RIN2: variants seen among roughly 807,000 people sequenced by gnomAD.
The protein encoded by RIN2 is Ras and Rab interactor 2.
RIN2 carries 36 observed loss-of-function variants against 78.0 expected under a neutral mutation model. The observed-to-expected ratio is 0.46, with a 90% confidence interval of 0.35 to 0.61. The LOEUF (loss-of-function observed/expected upper bound fraction) is 0.61. Ranked by LOEUF, RIN2 falls within the 20% of genes least tolerant of loss-of-function variation. The pLI is 0.00. For synonymous variants in RIN2, 466 were observed against 466.8 expected (o/e 1.00, Z 0.02); for missense variants, 1,087 against 1,159.7 (o/e 0.94, Z 0.91).
intron 3 of RIN2, among the ~76,000 whole-genome samples, chr20:19,892,989 C>T (rs1449759711): frequency 6.6e-6 from 1 of 152,146 alleles, no homozygotes; most frequent in Non-Finnish European, 1.5e-5. Context: ...AAAGCAGAAG[C>T]CACCCCTAAC....
At chr20:19,972,022 G>A (rs1416700271) in intron 8 of RIN2, among the ~76,000 whole-genome samples, 8 of 152,112 alleles carry the variant, frequency 5.3e-5, no homozygotes, top group South Asian at 4.1e-4. Flanking sequence ...GATTACAGGC[G>A]TGCGCCACTG....
At chr20:19,823,462 T>C in intron 2 of RIN2, 3 of 784,044 alleles carry the variant, frequency 3.8e-6, no homozygotes, top group Non-Finnish European at 6.8e-6. Context: ...AGCTGGGCAT[T>C]CTACAGCACC....
At chr20:19,971,033 T>C in intron 8 of RIN2, 104 bp downstream of exon 8, 1 of 820,024 alleles carries the variant, frequency 1.2e-6, no homozygotes, top group South Asian at 1.6e-5. Context: ...CTCTCCAGCT[T>C]CTCCATCAGT....
intron 3 of RIN2, among the ~76,000 whole-genome samples, chr20:19,906,262 C>A (rs893294892): frequency 6.6e-6 from 1 of 152,130 alleles, no homozygotes; most frequent in Non-Finnish European, 1.5e-5. Context: ...CCAGCCTGGG[C>A]AATACAGCAA....
At chr20:19,819,562 G>A (rs756296782) in intron 2 of RIN2, among the ~76,000 whole-genome samples, 4 of 152,162 alleles carry the variant, frequency 2.6e-5, no homozygotes, top group Non-Finnish European at 4.4e-5. Context: ...GTATATGTAT[G>A]AGACAAGGTC....
intron 4 of RIN2, among the ~76,000 whole-genome samples, chr20:19,956,257 C>CAAAAAAAAAA (rs11483774): frequency 3.9e-5 from 2 of 50,720 alleles, no homozygotes; most frequent in Admixed American, 2.1e-4. Flanking sequence ...GACTCCATCT[C>CAAAAAAAAAA]AAAAAAAAAA....
chr20:19,959,535 A>G (rs2041668625), intron 5 of RIN2, among the ~76,000 whole-genome samples: 1 of 152,166 alleles, frequency 6.6e-6, no homozygotes, highest in African/African-American at 2.4e-5. Context: ...TTCCAGCTTC[A>G]TTCTTCACCA....
intron 1 of RIN2, among the ~76,000 whole-genome samples, chr20:19,761,808 G>C (rs2033652205): frequency 6.6e-6 from 1 of 152,152 alleles, no homozygotes; most frequent in Admixed American, 6.5e-5. Context: ...GATATGATCT[G>C]AGGGAACCCC....
Position 19,839,615 on chromosome 20 carries a change from T to C in RIN2, c.-37+39868T>C, listed in dbSNP as rs150925563. Among the ~76,000 whole-genome samples, 11 of 152,312 alleles carry C rather than the reference T, an allele frequency of 7.2e-5. No individual in the cohort carries two copies. The East Asian group carries it at 1.7e-3, about 24-fold the overall frequency. ...CTAGAGAAGATCCTTTCCTTCCTTCTCTCTACCACCTCCCCCTGGAGGATC... is the reference window on the plus strand; with the variant it reads ...CTAGAGAAGATCCTTTCCTTCCTTCCCTCTACCACCTCCCCCTGGAGGATC... On this transcript the variant is annotated intron_variant, in intron 2 of 12. Transcript: ENST00000255006.
intron 6 of RIN2, among the ~76,000 whole-genome samples, chr20:19,963,813 T>G (rs1207412917): frequency 1.3e-5 from 2 of 151,244 alleles, no homozygotes; most frequent in Non-Finnish European, 2.9e-5. Flanking sequence ...CTCCAGCATT[T>G]GGAAGATGTG....
intron 12 of RIN2, among the ~76,000 whole-genome samples, chr20:19,997,974 C>A (rs1003181296): frequency 6.7e-6 from 1 of 149,260 alleles, no homozygotes; most frequent in African/African-American, 2.5e-5. Context: ...TCCAGATTCA[C>A]CTGCTTTTTT....
intron 2 of RIN2, among the ~76,000 whole-genome samples, chr20:19,855,366 G>C (rs1205618487): frequency 2.0e-5 from 3 of 152,078 alleles, no homozygotes; most frequent in Admixed American, 6.5e-5. Context: ...TCTCTGTCAG[G>C]CTTTGGTATC....
At chr20:19,833,447 T>C (rs1360162311) in intron 2 of RIN2, among the ~76,000 whole-genome samples, 1 of 152,162 alleles carries the variant, frequency 6.6e-6, no homozygotes, top group African/African-American at 2.4e-5. Flanking sequence ...GTATGTGTTG[T>C]TCCCCTTCCC....
chr20:19,910,523 C>G (rs2123719381), intron 3 of RIN2, among the ~76,000 whole-genome samples: 1 of 145,252 alleles, frequency 6.9e-6, no homozygotes, highest in African/African-American at 2.5e-5. Context: ...TTTAATCATT[C>G]TTGTGTATAT....
chr20:19,990,188 G>A lies in RIN2; in HGVS notation c.1945G>A (p.Val649Met). ...LGVFAPTPDF[V>M]DVEKIKVKFM... is the part of the protein sequence containing the mutation. ...GGTCTTCGCCCCGACCCCTGATTTT[G>A]TGGATGTGGAGAAAATCAAAGTCAA... The change falls in exon 10 of 13, where the codon GTG (valine) becomes ATG (methionine). Residue 649 changes from valine to methionine, a missense_variant. By Grantham distance (21) the Val-to-Met change is conservative. Coordinates refer to ENST00000255006, the MANE Select transcript of RIN2 (RefSeq NM_018993.4). The A allele has an allele frequency of 6.2e-7, 1 of 1,608,978 alleles. No individual in the cohort carries two copies. The highest frequency in any genetic ancestry group is 8.5e-7 in the Non-Finnish European group (1 of 1,177,760).
intron 2 of RIN2, among the ~76,000 whole-genome samples, chr20:19,883,598 G>A (rs971072191): frequency 3.9e-5 from 6 of 151,934 alleles, no homozygotes; most frequent in Non-Finnish European, 5.9e-5. Context: ...CCACCTCAGC[G>A]TCCCAAAGTG....
chr20:19,826,531 G>A lies in RIN2; in HGVS notation c.-37+26784G>A, dbSNP rs769713377. 7.0e-4 allele frequency among the ~76,000 whole-genome samples: 106 copies of A among 152,140 alleles called. 1 individual carries two copies. The highest frequency in any genetic ancestry group is 1.3e-4 in the Non-Finnish European group (9 of 68,022). Reference sequence around the variant, plus strand: ...CTGCTATAGATTCAAGTTGAAAAGAGAGTAAATTTAAGGAAAATTCACAAT... The same window carrying A: ...CTGCTATAGATTCAAGTTGAAAAGAAAGTAAATTTAAGGAAAATTCACAAT... On this transcript the variant is annotated intron_variant, in intron 2 of 12. Transcript: ENST00000255006.
At chr20:19,978,186 A>T (rs1371832927) in intron 9 of RIN2, among the ~76,000 whole-genome samples, 1 of 152,144 alleles carries the variant, frequency 6.6e-6, no homozygotes, top group East Asian at 1.9e-4. Flanking sequence ...TTCTATCCTC[A>T]TTTCCTATAG....
At chr20:19,788,208 C>A (rs1221092220) in intron 1 of RIN2, among the ~76,000 whole-genome samples, 1 of 152,046 alleles carries the variant, frequency 6.6e-6, no homozygotes, top group African/African-American at 2.4e-5. Context: ...CACCTTATAG[C>A]ATCTATCACT....
Sources: gnomAD v4.1 joint callset for allele counts (sites outside exome capture counted in the v4.1 genomes callset) on GRCh38, gnomAD v4.1.1 for gene constraint, MANE v1.5 for transcripts, NCBI Gene and HGNC (gene_info 2026-07-23, HGNC 2026-07-21) for gene names.